EPB41L4B: variants seen among roughly 807,000 people sequenced by gnomAD.
The protein encoded by EPB41L4B is erythrocyte membrane protein band 4.1 like 4B.
Under a neutral mutation model 112.5 loss-of-function variants are expected in EPB41L4B, and 30 were observed. The observed-to-expected ratio is 0.27, with a 90% CI of 0.20 to 0.36. EPB41L4B has a LOEUF of 0.36. Among genes scored for constraint, EPB41L4B ranks in the 10% least tolerant of loss-of-function variants. EPB41L4B has a pLI of 1.00. For synonymous variants in EPB41L4B, 408 were observed against 439.7 expected (o/e 0.93, Z 0.90); for missense variants, 1,024 against 1,133.3 (o/e 0.90, Z 1.38).
chr9:109,213,671 G>A (rs779594309), intron 17 of EPB41L4B, 29 bp downstream of exon 17: 12 of 1,585,950 alleles, frequency 7.6e-6, no homozygotes, highest in Non-Finnish European at 1.0e-5. Flanking sequence ...CCAAGTCCAT[G>A]GTCATGGCAG....
At chr9:109,319,513 G>T (rs536654558) in intron 1 of EPB41L4B, among the ~76,000 whole-genome samples, 1 of 152,340 alleles carries the variant, frequency 6.6e-6, no homozygotes, top group East Asian at 1.9e-4. Context: ...CACCCTACCC[G>T]CTGCGAGGAG....
At chr9:109,313,918 G>A (rs1314138719) in intron 1 of EPB41L4B, among the ~76,000 whole-genome samples, 2 of 152,178 alleles carry the variant, frequency 1.3e-5, no homozygotes, top group East Asian at 1.9e-4. Flanking sequence ...AGATGAATGC[G>A]CACCCCTATT....
chr9:109,185,424 C>T (rs12377767), intron 23 of EPB41L4B, 65 bp downstream of exon 23: 109,983 of 1,421,024 alleles, frequency 0.077, 5,705 homozygotes, highest in African/African-American at 0.24. Flanking sequence ...GCTTCCACCT[C>T]GCCTGGTGGC....
chr9:109,189,636 AT>A (rs540230809), intron 22 of EPB41L4B, among the ~76,000 whole-genome samples: 1 of 151,906 alleles, frequency 6.6e-6, no homozygotes, highest in East Asian at 1.9e-4. Flanking sequence ...TTATTTATTT[AT>A]TTTTTTTGGA....
At chr9:109,213,497 C>T (rs540702101) in intron 17 of EPB41L4B, among the ~76,000 whole-genome samples, 8 of 152,250 alleles carry the variant, frequency 5.3e-5, no homozygotes, top group Admixed American at 1.3e-4. Context: ...CTGGGAACGA[C>T]GCCTAATGCT....
At position 109,241,401 on chromosome 9, in the gene EPB41L4B, C is replaced by G. The variant is rs1834347242; in HGVS notation, c.1409+2217G>C. 4 of 1,215,514 alleles carry G rather than the reference C, an allele frequency of 3.3e-6. No homozygotes were observed. The South Asian group carries it at 1.1e-4, about 32-fold the overall frequency. 75.3% of individuals were successfully genotyped at this position (1,215,514 alleles called of 1,614,324 possible). A position where few individuals can be genotyped will look rare whatever the true frequency, so the allele number is the denominator to read the frequency against. The stretch of plus-strand genomic sequence containing the variant: ...AACATAGTAAAATGATAAACATAGA[C>G]TTTGACTCCAATTTTAAAATCAGAA... On this transcript the variant is annotated intron_variant, in intron 15 of 25. Transcript: ENST00000374566.
intron 15 of EPB41L4B, among the ~76,000 whole-genome samples, chr9:109,229,894 A>C (rs531119238): frequency 6.6e-6 from 1 of 152,264 alleles, no homozygotes; most frequent in South Asian, 2.1e-4. Context: ...TGCCAAGGAC[A>C]AGAAAAAGTC....
chr9:109,291,934 C>T (rs1159546212), intron 1 of EPB41L4B, among the ~76,000 whole-genome samples: 4 of 152,190 alleles, frequency 2.6e-5, no homozygotes, highest in Admixed American at 6.5e-5. Context: ...AGCTATTGAT[C>T]AGCCTCTGTT....
At chr9:109,226,655 TATATATATGAAGA>T (rs1395641219) in intron 15 of EPB41L4B, among the ~76,000 whole-genome samples, 18 of 99,446 alleles carry the variant, frequency 1.8e-4, no homozygotes, top group Admixed American at 3.7e-4. Context: ...ATATGAAGAA[TATATATATGAAGA>T]ATATATATAT....
chr9:109,258,404 G>A (rs1024232763), intron 6 of EPB41L4B, 107 bp from the exon 7 acceptor site: 12 of 1,180,496 alleles, frequency 1.0e-5, no homozygotes, highest in East Asian at 2.4e-5. Context: ...ACAGCCCCCC[G>A]CCCCAATGTA....
Position 109,192,213 on chromosome 9 carries a change from G to T in EPB41L4B, c.2301+65C>A, listed in dbSNP as rs945367467. On this transcript the variant is annotated intron_variant, in intron 22 of 25. Coordinates refer to ENST00000374566, the MANE Select transcript of EPB41L4B (RefSeq NM_019114.5). ...CAGCAATGCCCACCTCTGTCCATCC[G>T]TCCCACTGCCAAGATGTTTCTATGG... 4 of 1,310,194 alleles carry T rather than the reference G, an allele frequency of 3.1e-6. No individual in the cohort carries two copies. The African/African-American group carries it at 4.4e-5, about 14-fold the overall frequency. The allele number at this position is 1,310,194 out of a possible 1,614,324, so 81.2% of individuals were successfully genotyped here. A position where few individuals can be genotyped will look rare whatever the true frequency, so the allele number is the denominator to read the frequency against.
intron 1 of EPB41L4B, among the ~76,000 whole-genome samples, chr9:109,303,356 C>T (rs889115630): frequency 2.0e-5 from 3 of 151,730 alleles, no homozygotes; most frequent in African/African-American, 4.8e-5. Context: ...TTTTGGGGGG[C>T]GGGTTTTGAG....
chr9:109,203,023 G>A (rs138611678), intron 19 of EPB41L4B, among the ~76,000 whole-genome samples: 30 of 152,160 alleles, frequency 2.0e-4, no homozygotes, highest in Non-Finnish European at 3.4e-4. Context: ...GCACAGTGGC[G>A]TGCACCTGTA....
At chr9:109,177,138 C>T (rs1831872005) in intron 24 of EPB41L4B, among the ~76,000 whole-genome samples, 1 of 152,144 alleles carries the variant, frequency 6.6e-6, no homozygotes, top group African/African-American at 2.4e-5. Context: ...GTAATCTGCC[C>T]AAGGTCACAC....
At chr9:109,271,708 G>C (rs1231454164) in intron 2 of EPB41L4B, among the ~76,000 whole-genome samples, 1 of 152,148 alleles carries the variant, frequency 6.6e-6, no homozygotes, top group Non-Finnish European at 1.5e-5. Flanking sequence ...TGCCGCCTGT[G>C]GGTAAACGCC....
rs377524946 is a variant in EPB41L4B at position 109,281,126 on chromosome 9, CT to C, written c.307-1206del. On this transcript the variant is annotated intron_variant, in intron 1 of 25. Coordinates refer to ENST00000374566, the MANE Select transcript of EPB41L4B (RefSeq NM_019114.5). ...AACTGGACGTCATCAAAATGTGAGA[CT>C]TTTTTTTTTTTTTTTGCTTCAAAGG... Among the ~76,000 whole-genome samples the C allele has an allele frequency of 6.1e-3, 819 of 133,520 alleles. 1 individual carries two copies. Among genetic ancestry groups the C allele is most frequent in the East Asian group, 0.022 (100 of 4,594 alleles). 87.6% of individuals were successfully genotyped at this position (133,520 alleles called of 152,430 possible).
At chr9:109,244,974 TCAAG>T (rs1261611047) in intron 14 of EPB41L4B, among the ~76,000 whole-genome samples, 1 of 152,238 alleles carries the variant, frequency 6.6e-6, no homozygotes, top group African/African-American at 2.4e-5. Context: ...TGTTCTGTAT[TCAAG>T]CAGCCTTTCC....
At chr9:109,308,575 A>G (rs1335483610) in intron 1 of EPB41L4B, among the ~76,000 whole-genome samples, 1 of 152,208 alleles carries the variant, frequency 6.6e-6, no homozygotes, top group Non-Finnish European at 1.5e-5. Context: ...AATATCTGAC[A>G]CTAAAAAATA....
chr9:109,197,194 G>A (rs755832517), intron 20 of EPB41L4B, among the ~76,000 whole-genome samples: 8 of 152,188 alleles, frequency 5.3e-5, no homozygotes, highest in East Asian at 1.9e-4. Context: ...AGGCTGAAGC[G>A]GGCGGATCAC....
Sources: gnomAD v4.1 joint callset for allele counts (sites outside exome capture counted in the v4.1 genomes callset) on GRCh38, gnomAD v4.1.1 for gene constraint, MANE v1.5 for transcripts, NCBI Gene and HGNC (gene_info 2026-07-23, HGNC 2026-07-21) for gene names.